The following ARHGEF38 variants were observed in gnomAD, a reference collection of about 807,000 sequenced individuals.
ARHGEF38 encodes the protein Rho guanine nucleotide exchange factor (GEF) 38.
A neutral mutation model predicts 79.9 loss-of-function variants in ARHGEF38; 79 were observed. That is an observed-to-expected ratio of 0.99 (90% CI 0.82 to 1.19). The LOEUF (loss-of-function observed/expected upper bound fraction) is 1.19. ARHGEF38 is among the 50% of genes most tolerant of loss of function. The pLI is 0.00. For synonymous variants in ARHGEF38, 366 were observed against 328.3 expected, an observed-to-expected ratio of 1.11 and a Z score of -1.24; for missense variants, 962 against 907.2, an observed-to-expected ratio of 1.06 and a Z score of -0.78.
Position 105,680,833 on chromosome 4 carries a change from G to A in ARHGEF38, c.*2896G>A, listed in dbSNP as rs1731285454. 6.6e-6 allele frequency: 1 copy of A among 152,152 alleles called. No individual in the cohort carries two copies. The highest frequency in any genetic ancestry group is 2.4e-5 in the African/African-American group (1 of 41,436). 9.4% of individuals were successfully genotyped at this position (152,152 alleles called of 1,614,324 possible). A position where few individuals can be genotyped will look rare whatever the true frequency, so the allele number is the denominator to read the frequency against. ...TAATTGCTTCTCTTCTCAACTCTAT[G>A]TAGCACGTATTTTCCATGATGGGAT... On this transcript the variant is annotated 3_prime_UTR_variant, in exon 14 of 14. Transcript: ENST00000420470.
At chr4:105,580,473 C>T (rs1333250904) in intron 1 of ARHGEF38, among the ~76,000 whole-genome samples, 2 of 152,142 alleles carry the variant, frequency 1.3e-5, no homozygotes, top group African/African-American at 4.8e-5. Flanking sequence ...TCATTATTTA[C>T]CCAAAAGTCA....
intron 1 of ARHGEF38, among the ~76,000 whole-genome samples, chr4:105,587,683 A>T (rs545333330): frequency 6.6e-6 from 1 of 152,204 alleles, no homozygotes; most frequent in East Asian, 1.9e-4. Flanking sequence ...GATGATCTCG[A>T]TCTCCTGACC....
rs190664167 is a variant in ARHGEF38, at chr4:105,603,635, C to T, written c.385-9749C>T. Among the ~76,000 whole-genome samples the T allele has an allele frequency of 3.6e-3, 545 of 152,214 alleles. 3 individuals carry two copies. The highest frequency in any genetic ancestry group is 5.8e-3 in the Non-Finnish European group (397 of 68,020). On this transcript the variant is annotated intron_variant, in intron 2 of 13. Transcript: ENST00000420470. ...GAGCCCCGAGGCATCCAGAGTGTAC[C>T]TTCATATTCTGCCATTCAGCCTTGC...
At chr4:105,595,743 C>A (rs1727551307) in intron 2 of ARHGEF38, among the ~76,000 whole-genome samples, 1 of 152,114 alleles carries the variant, frequency 6.6e-6, no homozygotes, top group African/African-American at 2.4e-5. Flanking sequence ...TAAATCATCT[C>A]TAGATTATTT....
chr4:105,630,728 A>G (rs528916455), intron 3 of ARHGEF38, among the ~76,000 whole-genome samples, 170 bp from the exon 4 acceptor site: 2 of 152,330 alleles, frequency 1.3e-5, no homozygotes, highest in South Asian at 4.1e-4. Flanking sequence ...AGGAAAAAGG[A>G]AAGAAAAGGA....
chr4:105,647,563 A>AT lies in ARHGEF38; in HGVS notation c.875-984dup, dbSNP rs200438561. Among the ~76,000 whole-genome samples, 388 of 152,360 alleles carry AT rather than the reference A, an allele frequency of 2.5e-3. 2 individuals are homozygous for AT. The highest frequency in any genetic ancestry group is 8.8e-3 in the African/African-American group (365 of 41,596). ...TTGTATACTTGATTATGGAAAGCAG[A>AT]TTCTCTGCATGAACTTCCTGGTAAT... On this transcript the variant is annotated intron_variant, in intron 6 of 13. Coordinates refer to ENST00000420470, the MANE Select transcript of ARHGEF38 (RefSeq NM_001242729.2).
intron 3 of ARHGEF38, among the ~76,000 whole-genome samples, chr4:105,629,287 A>G (rs1482230448): frequency 6.6e-6 from 1 of 152,178 alleles, no homozygotes; most frequent in African/African-American, 2.4e-5. Context: ...CAGGGAAAAA[A>G]TAAGAATACA....
Position 105,666,275 on chromosome 4 carries a change from T to C in ARHGEF38, c.1644T>C (p.Ile548=). Residue 548 remains isoleucine, a synonymous_variant, in exon 11 of 14, where the codon ATT becomes ATC. Coordinates refer to ENST00000420470, the MANE Select transcript of ARHGEF38 (RefSeq NM_001242729.2). ...NCVKENSATF[I]ERKLSFEKKK... ...TGAAAGAAAACAGTGCCACCTTTAT[T>C]GAGAGGAAACTCAGTTTTGAAAAGA... The C allele has an allele frequency of 6.5e-7, 1 of 1,534,796 alleles. No individual in the cohort carries two copies. The highest frequency in any genetic ancestry group is 8.7e-7 in the Non-Finnish European group (1 of 1,146,248).
chr4:105,578,162 T>C (rs1197949951), intron 1 of ARHGEF38, among the ~76,000 whole-genome samples: 19 of 152,212 alleles, frequency 1.2e-4, no homozygotes, highest in Admixed American at 1.2e-3. Context: ...TAAATTTCTA[T>C]CTTGATTTCA....
intron 1 of ARHGEF38, among the ~76,000 whole-genome samples, chr4:105,556,443 G>A (rs561852035): frequency 1.3e-5 from 2 of 152,192 alleles, no homozygotes; most frequent in East Asian, 1.9e-4. Flanking sequence ...AGGAGGAAAC[G>A]GTCTATTCAG....
chr4:105,608,735 T>C (rs1170364448), intron 2 of ARHGEF38, among the ~76,000 whole-genome samples: 1 of 152,024 alleles, frequency 6.6e-6, no homozygotes, highest in Non-Finnish European at 1.5e-5. Context: ...CATGGGTACA[T>C]GTGCAGGATG....
chr4:105,572,837 A>T (rs543193904), intron 1 of ARHGEF38, among the ~76,000 whole-genome samples: 12 of 152,312 alleles, frequency 7.9e-5, no homozygotes, highest in African/African-American at 2.6e-4. Flanking sequence ...AGAATAATGC[A>T]ATCCTACCAA....
intron 2 of ARHGEF38, among the ~76,000 whole-genome samples, chr4:105,605,314 G>T (rs998689882): frequency 6.6e-6 from 1 of 152,098 alleles, no homozygotes; most frequent in Non-Finnish European, 1.5e-5. Flanking sequence ...TTCCAGGGCT[G>T]TTGGACTTCT....
chr4:105,654,213 GATACAAACC>G, intron 8 of ARHGEF38, 44 bp downstream of exon 8: 3 of 1,118,466 alleles, frequency 2.7e-6, no homozygotes, highest in Non-Finnish European at 3.7e-6. Context: ...AGGAACATCT[GATACAAACC>G]ATTGATTTCC....
intron 2 of ARHGEF38, among the ~76,000 whole-genome samples, chr4:105,611,211 C>T (rs1728279878): frequency 6.6e-6 from 1 of 152,010 alleles, no homozygotes; most frequent in African/African-American, 2.4e-5. Flanking sequence ...CAGGGATACA[C>T]TGTATGATTT....
At chr4:105,591,227 T>G (rs1356428684) in intron 2 of ARHGEF38, among the ~76,000 whole-genome samples, 2 of 152,064 alleles carry the variant, frequency 1.3e-5, no homozygotes, top group Non-Finnish European at 2.9e-5. Flanking sequence ...TTCTCAGATT[T>G]TTTTGTTTTG....
chr4:105,638,632 G>A (rs1729494837), intron 5 of ARHGEF38, among the ~76,000 whole-genome samples: 1 of 152,042 alleles, frequency 6.6e-6, no homozygotes, highest in Non-Finnish European at 1.5e-5. Context: ...AACTATTGTA[G>A]CATTGCAGTG....
intron 8 of ARHGEF38, 117 bp downstream of exon 8, chr4:105,654,286 G>T (rs1397941091): frequency 6.3e-5 from 37 of 588,068 alleles, no homozygotes; most frequent in Non-Finnish European, 9.6e-5. Context: ...TTATGACACC[G>T]GATCAAAATT....
chr4:105,565,811 C>A (rs1036396963), intron 1 of ARHGEF38, among the ~76,000 whole-genome samples: 1 of 152,156 alleles, frequency 6.6e-6, no homozygotes, highest in Non-Finnish European at 1.5e-5. Context: ...CACCATGACC[C>A]AGTTAACAAG....
Sources: gnomAD v4.1 joint callset for allele counts (sites outside exome capture counted in the v4.1 genomes callset) on GRCh38, gnomAD v4.1.1 for gene constraint, MANE v1.5 for transcripts, NCBI Gene and HGNC (gene_info 2026-07-23, HGNC 2026-07-21) for gene names.